Variants in DCDC1 observed in about 807,000 individuals in gnomAD.
DCDC1 encodes the protein doublecortin domain containing 1.
A neutral mutation model predicts 178.3 loss-of-function variants in DCDC1; 200 were observed. The ratio of observed to expected loss-of-function variants is 1.12; its 90% CI spans 1.00 to 1.26. The LOEUF (loss-of-function observed/expected upper bound fraction) is 1.26. Among genes scored for constraint, DCDC1 ranks in the 50% most tolerant of loss-of-function variants. DCDC1 has a pLI of 0.00. For missense variants in DCDC1, 1,983 were observed against 1,749.2 expected (o/e 1.13, Z -2.38); for synonymous variants, 690 against 604.8 (o/e 1.14, Z -2.07).
chr11:31,260,895 A>G (rs777882435), intron 8 of DCDC1, among the ~76,000 whole-genome samples: 24 of 152,336 alleles, frequency 1.6e-4, no homozygotes, highest in Non-Finnish European at 1.6e-4. Context: ...GCTGATATAT[A>G]ATTAGTAAAT....
intron 36 of DCDC1, among the ~76,000 whole-genome samples, chr11:30,888,108 A>AAGAAAGAAAGAAAG (rs1943414723): frequency 8.8e-6 from 1 of 114,062 alleles, no homozygotes; most frequent in African/African-American, 3.5e-5. Flanking sequence ...AAAAGAAAGA[A>AAGAAAGAAAGAAAG]AGAAAGAAAG....
chr11:31,265,536 T>A lies in DCDC1; in HGVS notation c.1025A>T (p.Tyr342Phe), dbSNP rs777461401. ...NLPARYFYDL[Y>F]GRKIEDISKV... is the part of the protein sequence containing the mutation. ...TGAAATATCTTCAATTTTTCTGCCA[T>A]ACAAATCATAAAAATATCTGGCTGG... Residue 342 changes from tyrosine to phenylalanine, a missense_variant, in exon 8 of 39, where the codon TAT becomes TTT. Physicochemically the swap from Tyr to Phe is conservative, Grantham distance 22 (BLOSUM62 3). Transcript: ENST00000684477. 1 of 1,451,450 alleles carries A rather than the reference T, an allele frequency of 6.9e-7. No homozygotes were observed. The allele number at this position is 1,451,450 out of a possible 1,614,324, so 89.9% of individuals were successfully genotyped here. A position where few individuals can be genotyped will look rare whatever the true frequency, so the allele number is the denominator to read the frequency against.
intron 3 of DCDC1, among the ~76,000 whole-genome samples, chr11:31,325,918 T>G (rs1000645683): frequency 1.4e-4 from 21 of 152,234 alleles, no homozygotes; most frequent in African/African-American, 5.1e-4. Context: ...GGGAAATGTC[T>G]TTACTCATAG....
At chr11:30,905,261 G>C in intron 30 of DCDC1, 97 bp from the exon 31 acceptor site, 1 of 1,253,396 alleles carries the variant, frequency 8.0e-7, no homozygotes, top group Non-Finnish European at 1.1e-6. Context: ...TACGTGTGTG[G>C]TGTCTACATT....
chr11:31,075,662 A>T (rs1300291766), intron 18 of DCDC1, among the ~76,000 whole-genome samples: 1 of 152,066 alleles, frequency 6.6e-6, no homozygotes, highest in Admixed American at 6.6e-5. Context: ...CATTTTTTAT[A>T]CCCTTGTTGG....
chr11:31,205,864 C>A (rs1386932669), intron 9 of DCDC1, among the ~76,000 whole-genome samples: 1 of 152,148 alleles, frequency 6.6e-6, no homozygotes, highest in Non-Finnish European at 1.5e-5. Flanking sequence ...TGCTGTTTAT[C>A]TGAATTTCAA....
intron 9 of DCDC1, among the ~76,000 whole-genome samples, chr11:31,166,875 A>T (rs1407745008): frequency 6.6e-6 from 1 of 152,100 alleles, no homozygotes; most frequent in Non-Finnish European, 1.5e-5. Flanking sequence ...CTTGGAATAT[A>T]CATGATGATT....
intron 3 of DCDC1, chr11:31,314,439 A>T (rs1948944543): frequency 6.6e-6 from 1 of 152,190 alleles, no homozygotes; most frequent in Non-Finnish European, 1.5e-5. Flanking sequence ...AATAACATCT[A>T]TTTATGAGCA....
At chr11:30,968,456 AAG>A (rs1194952640) in intron 20 of DCDC1, among the ~76,000 whole-genome samples, 1 of 151,952 alleles carries the variant, frequency 6.6e-6, no homozygotes, top group Non-Finnish European at 1.5e-5. Context: ...CTCTTGTTGA[AAG>A]AGAGAGAAAA....
intron 9 of DCDC1, among the ~76,000 whole-genome samples, chr11:31,237,722 C>A (rs1192404902): frequency 2.0e-5 from 3 of 151,882 alleles, no homozygotes; most frequent in Non-Finnish European, 4.4e-5. Context: ...TTAGAAAATA[C>A]CCCAAGAATT....
rs1420833316 is a variant in DCDC1 at position 30,925,542 on chromosome 11, T to A, written c.2898-134A>T. The stretch of plus-strand genomic sequence containing the variant: ...CAGGACTGTTAGTCATGAGCTGGAC[T>A]CTGGGGCCCATCAGACCCATTTGAG... On this transcript the variant is annotated intron_variant, in intron 22 of 38. Transcript: ENST00000684477. 5.3e-6 allele frequency: 4 copies of A among 753,838 alleles called. No homozygotes were observed. In the African/African-American group the frequency reaches 7.0e-5, roughly 13 times the overall value. 46.7% of individuals were successfully genotyped at this position (753,838 alleles called of 1,614,324 possible). A position where few individuals can be genotyped will look rare whatever the true frequency, so the allele number is the denominator to read the frequency against.
intron 20 of DCDC1, among the ~76,000 whole-genome samples, chr11:31,027,713 T>C (rs756699486): frequency 2.0e-5 from 3 of 151,898 alleles, no homozygotes; most frequent in Admixed American, 6.6e-5. Flanking sequence ...AAAAACCTCT[T>C]TTGACTCAGT....
intron 20 of DCDC1, among the ~76,000 whole-genome samples, chr11:30,980,244 T>C (rs1199918291): frequency 1.3e-5 from 2 of 152,204 alleles, no homozygotes; most frequent in Non-Finnish European, 2.9e-5. Flanking sequence ...TGCAGATCTA[T>C]GTAGCCATGG....
At chr11:31,322,555 C>A (rs181675264) in intron 3 of DCDC1, among the ~76,000 whole-genome samples, 54 of 152,240 alleles carry the variant, frequency 3.5e-4, no homozygotes, top group African/African-American at 1.3e-3. Context: ...CATAAAAAAT[C>A]TTTTACAGAA....
intron 8 of DCDC1, among the ~76,000 whole-genome samples, chr11:31,256,011 G>A (rs776227651): frequency 6.6e-6 from 1 of 152,142 alleles, no homozygotes; most frequent in Non-Finnish European, 1.5e-5. Context: ...ATGATGTGAA[G>A]TATGGGTCCA....
At chr11:30,884,368 CT>C (rs1942979891) in intron 36 of DCDC1, among the ~76,000 whole-genome samples, 7 of 152,038 alleles carry the variant, frequency 4.6e-5, no homozygotes. Context: ...AGATGTTTTC[CT>C]CTCTTTTTTT....
intron 1 of DCDC1, among the ~76,000 whole-genome samples, chr11:31,359,528 T>C (rs1951593770): frequency 6.6e-6 from 1 of 152,172 alleles, no homozygotes; most frequent in Non-Finnish European, 1.5e-5. Context: ...GGCACATGTA[T>C]ACATATGTAA....
intron 22 of DCDC1, among the ~76,000 whole-genome samples, chr11:30,926,547 C>A (rs78680598): frequency 6.6e-6 from 1 of 152,258 alleles, no homozygotes; most frequent in African/African-American, 2.4e-5. Context: ...AGTAGAGCTA[C>A]AGGAGACTGA....
intron 20 of DCDC1, among the ~76,000 whole-genome samples, chr11:31,044,656 GACCA>G (rs1237979597): frequency 6.6e-6 from 1 of 152,000 alleles, no homozygotes; most frequent in Admixed American, 6.6e-5. Flanking sequence ...AATTGAATTT[GACCA>G]ACACACTGGA....
Sources: allele counts gnomAD v4.1 joint callset (sites outside exome capture counted in the v4.1 genomes callset), GRCh38; gene constraint gnomAD v4.1.1; transcripts MANE v1.5; gene names NCBI Gene and HGNC (gene_info 2026-07-23, HGNC 2026-07-21).